The following AFF3 variants were observed in gnomAD, a reference collection of about 807,000 sequenced individuals.
The protein encoded by AFF3 is AF4/FMR2 family member 3.
A neutral mutation model predicts 129.7 loss-of-function variants in AFF3; 32 were observed. The observed-to-expected ratio is 0.25, with a 90% CI of 0.19 to 0.33. The LOEUF is 0.33. AFF3 is among the 10% of genes least tolerant of loss of function. The pLI is 1.00. For missense variants in AFF3, 1,373 were observed against 1,592.0 expected, an observed-to-expected ratio of 0.86 and a Z score of 2.34; for synonymous variants, 644 against 635.4, an observed-to-expected ratio of 1.01 and a Z score of -0.20.
At chr2:100,106,188 G>C (rs1471902063) in intron 2 of AFF3, 2 of 1,194,624 alleles carry the variant, frequency 1.7e-6, no homozygotes, top group Admixed American at 6.8e-5. Flanking sequence ...TTCTTCATTA[G>C]CATCCATAAC....
chr2:99,956,407 T>C (rs1415999892), intron 7 of AFF3, among the ~76,000 whole-genome samples: 1 of 152,086 alleles, frequency 6.6e-6, no homozygotes, highest in Non-Finnish European at 1.5e-5. Flanking sequence ...GGACATGTAA[T>C]GTAAACCCTG....
chr2:100,001,174 T>C (rs993855169), intron 7 of AFF3, among the ~76,000 whole-genome samples: 4 of 152,170 alleles, frequency 2.6e-5, no homozygotes, highest in African/African-American at 9.7e-5. Flanking sequence ...GGCTTGCTAA[T>C]AATCTCCCTC....
intron 7 of AFF3, among the ~76,000 whole-genome samples, chr2:99,993,163 C>T (rs1029887668): frequency 6.6e-6 from 1 of 152,172 alleles, no homozygotes; most frequent in Non-Finnish European, 1.5e-5. Flanking sequence ...GAAAAATAAG[C>T]TCTTGTCTTG....
At chr2:99,952,323 G>A (rs1215292907) in intron 7 of AFF3, among the ~76,000 whole-genome samples, 1 of 152,134 alleles carries the variant, frequency 6.6e-6, no homozygotes, top group Non-Finnish European at 1.5e-5. Flanking sequence ...ATGATGGTAA[G>A]TTTCTTGAGG....
chr2:99,618,134 T>G (rs1681621213), intron 13 of AFF3, among the ~76,000 whole-genome samples: 1 of 151,846 alleles, frequency 6.6e-6, no homozygotes, highest in South Asian at 2.1e-4. Flanking sequence ...CTCTGAGCCT[T>G]GGCTACCTCG....
intron 7 of AFF3, among the ~76,000 whole-genome samples, chr2:99,871,055 G>A (rs948863831): frequency 2.6e-5 from 4 of 152,136 alleles, no homozygotes; most frequent in Non-Finnish European, 2.9e-5. Context: ...TGACACACAA[G>A]GTGAAAATTC....
chr2:100,005,277 T>C (rs1681860102), intron 7 of AFF3, among the ~76,000 whole-genome samples: 3 of 152,248 alleles, frequency 2.0e-5, no homozygotes, highest in Admixed American at 2.0e-4. Context: ...ATGAACTCAC[T>C]GAATTCCAAA....
At chr2:99,711,100 C>T (rs916631873) in intron 11 of AFF3, among the ~76,000 whole-genome samples, 9 of 152,158 alleles carry the variant, frequency 5.9e-5, no homozygotes, top group African/African-American at 1.7e-4. Flanking sequence ...ATTCTCTTGA[C>T]AGTAGGGAGG....
chr2:99,600,553 T>C (rs1679725881), intron 14 of AFF3, among the ~76,000 whole-genome samples: 1 of 152,154 alleles, frequency 6.6e-6, no homozygotes, highest in Non-Finnish European at 1.5e-5. Context: ...TCAGAGCCTA[T>C]TTAGGAATAT....
intron 2 of AFF3, among the ~76,000 whole-genome samples, chr2:100,108,158 C>T (rs1691384634): frequency 6.6e-6 from 1 of 151,688 alleles, no homozygotes; most frequent in Non-Finnish European, 1.5e-5. Context: ...CCAGAGGCTT[C>T]TTGGGTGTTT....
chr2:99,974,926 T>G (rs149433477), intron 7 of AFF3, among the ~76,000 whole-genome samples: 2 of 152,164 alleles, frequency 1.3e-5, no homozygotes, highest in African/African-American at 4.8e-5. Flanking sequence ...CTCCGTGGCA[T>G]GGTGAAAGGA....
chr2:99,890,782 G>A (rs1693490462), intron 7 of AFF3, among the ~76,000 whole-genome samples: 1 of 152,144 alleles, frequency 6.6e-6, no homozygotes, highest in South Asian at 2.1e-4. Flanking sequence ...CAGATCCACA[G>A]CCTGTCAGTT....
intron 15 of AFF3, among the ~76,000 whole-genome samples, chr2:99,591,261 A>G (rs1479410667): frequency 2.6e-5 from 4 of 151,994 alleles, no homozygotes; most frequent in African/African-American, 4.8e-5. Context: ...ATCTTGGCTC[A>G]CTGCAACCTC....
intron 7 of AFF3, among the ~76,000 whole-genome samples, chr2:99,854,616 TC>T (rs1690390865): frequency 6.6e-6 from 1 of 152,212 alleles, no homozygotes; most frequent in African/African-American, 2.4e-5. Context: ...TCCCATCACT[TC>T]TGCCTTCTGT....
chr2:99,772,187 GA>G (rs1225323337), intron 8 of AFF3, among the ~76,000 whole-genome samples: 4 of 152,164 alleles, frequency 2.6e-5, no homozygotes, highest in African/African-American at 9.6e-5. Context: ...AGAAGAGGAA[GA>G]AAAGAGTGAC....
intron 7 of AFF3, among the ~76,000 whole-genome samples, chr2:99,941,258 C>T (rs938432092): frequency 2.0e-5 from 3 of 152,166 alleles, no homozygotes; most frequent in Non-Finnish European, 2.9e-5. Context: ...ACGATCTCAG[C>T]ACCACTCTGA....
chr2:100,015,843 T>C (rs911612740), intron 4 of AFF3, among the ~76,000 whole-genome samples: 1 of 151,610 alleles, frequency 6.6e-6, no homozygotes, highest in Admixed American at 6.6e-5. Context: ...TGTGATGCTA[T>C]AGGTGCGATG....
chr2:99,723,421 G>T (rs936143375), intron 11 of AFF3, among the ~76,000 whole-genome samples: 2 of 152,176 alleles, frequency 1.3e-5, no homozygotes, highest in Non-Finnish European at 2.9e-5. Flanking sequence ...TGGCTTTAAT[G>T]ACTCAGGGTC....
At chr2:99,731,101 C>T (rs1679792418) in intron 10 of AFF3, among the ~76,000 whole-genome samples, 1 of 151,898 alleles carries the variant, frequency 6.6e-6, no homozygotes, top group African/African-American at 2.4e-5. Flanking sequence ...GGGATTACAG[C>T]TGCATGCCAA....
Sources: allele counts gnomAD v4.1 joint callset (sites outside exome capture counted in the v4.1 genomes callset), GRCh38; gene constraint gnomAD v4.1.1; transcripts MANE v1.5; gene names NCBI Gene and HGNC (gene_info 2026-07-23, HGNC 2026-07-21).